Variants in PRICKLE2 observed in about 807,000 individuals in gnomAD.
PRICKLE2 encodes the protein prickle-like protein 2.
In PRICKLE2, 21 loss-of-function variants were observed where a neutral mutation model predicts 81.4. The ratio of observed to expected loss-of-function variants is 0.26; its 90% CI spans 0.18 to 0.37. PRICKLE2 has a LOEUF of 0.37. PRICKLE2 is among the 10% of genes least tolerant of loss of function. The pLI is 1.00. For missense variants in PRICKLE2, 940 were observed against 1,109.0 expected (o/e 0.85, Z 2.16); for synonymous variants, 456 against 421.5 (o/e 1.08, Z -1.00).
intron 7 of PRICKLE2, among the ~76,000 whole-genome samples, chr3:64,106,622 C>T (rs36238): frequency 0.84 from 127,447 of 152,236 alleles, 57,638 homozygotes; most frequent in Non-Finnish European, 1. Context: ...CAACTCTTCA[C>T]TCCATTTGTC....
chr3:64,137,573 C>T (rs974537964), intron 7 of PRICKLE2, among the ~76,000 whole-genome samples: 1 of 152,106 alleles, frequency 6.6e-6, no homozygotes, highest in African/African-American at 2.4e-5. Context: ...AAAGGTTCTC[C>T]GGGCCCAGAA....
At chr3:64,258,845 A>AAAAAAAAG (rs2079570108) in intron 2 of PRICKLE2, among the ~76,000 whole-genome samples, 7 of 33,996 alleles carry the variant, frequency 2.1e-4, no homozygotes, top group East Asian at 6.5e-4. Context: ...AAAAAAAAAA[A>AAAAAAAAG]AAAGAAAGAA....
chr3:64,244,692 A>C (rs1380915927), intron 2 of PRICKLE2, among the ~76,000 whole-genome samples: 1 of 151,780 alleles, frequency 6.6e-6, no homozygotes, highest in Non-Finnish European at 1.5e-5. Flanking sequence ...AAAAATGGGA[A>C]TGGATATATT....
chr3:64,134,483 T>A (rs2077246852), intron 7 of PRICKLE2, among the ~76,000 whole-genome samples: 1 of 152,182 alleles, frequency 6.6e-6, no homozygotes, highest in Admixed American at 6.5e-5. Flanking sequence ...GCTGGATAAT[T>A]CTTTGTTGAC....
chr3:64,110,963 A>C (rs1420142878), intron 7 of PRICKLE2, among the ~76,000 whole-genome samples: 3 of 116,470 alleles, frequency 2.6e-5, no homozygotes, highest in East Asian at 4.1e-4. Context: ...CCATCTCAAA[A>C]AAAAAAAAAA....
intron 2 of PRICKLE2, among the ~76,000 whole-genome samples, chr3:64,177,270 G>A (rs2078042580): frequency 6.6e-6 from 1 of 150,454 alleles, no homozygotes; most frequent in Admixed American, 6.7e-5. Context: ...CGAGTAGCTG[G>A]GATTACAGGC....
At chr3:64,198,310 T>C (rs1190067719) in intron 2 of PRICKLE2, among the ~76,000 whole-genome samples, 3 of 152,032 alleles carry the variant, frequency 2.0e-5, no homozygotes, top group African/African-American at 7.2e-5. Context: ...TTGTTGGACA[T>C]AGAGAAGATG....
intron 2 of PRICKLE2, among the ~76,000 whole-genome samples, chr3:64,230,826 A>T (rs1326878790): frequency 6.6e-6 from 1 of 152,228 alleles, no homozygotes; most frequent in Non-Finnish European, 1.5e-5. Flanking sequence ...AGTACTGTGT[A>T]GAGTACCTAG....
chr3:64,202,270 C>G (rs977903494), intron 1 of PRICKLE2, among the ~76,000 whole-genome samples: 1 of 151,972 alleles, frequency 6.6e-6, no homozygotes, highest in Non-Finnish European at 1.5e-5. Flanking sequence ...ATTAGTTTGT[C>G]AATTTGTGCA....
chr3:64,207,253 A>G, intron 1 of PRICKLE2, among the ~76,000 whole-genome samples: 1 of 152,280 alleles, frequency 6.6e-6, no homozygotes, highest in East Asian at 1.9e-4. Context: ...TCCTTATTAT[A>G]CTTATTATAA....
chr3:64,265,898 C>T (rs938994214), intron 2 of PRICKLE2, among the ~76,000 whole-genome samples: 8 of 151,976 alleles, frequency 5.3e-5, no homozygotes, highest in Non-Finnish European at 8.8e-5. Context: ...GAAGTGGGCT[C>T]GATAAAACTG....
At chr3:64,197,545 C>T (rs1339517170) in intron 2 of PRICKLE2, among the ~76,000 whole-genome samples, 1 of 152,070 alleles carries the variant, frequency 6.6e-6, no homozygotes, top group Non-Finnish European at 1.5e-5. Context: ...AAGATCATAT[C>T]CTTTGGAGGA....
chr3:64,142,784 T>C (rs2077384027), intron 7 of PRICKLE2, among the ~76,000 whole-genome samples: 1 of 152,234 alleles, frequency 6.6e-6, no homozygotes, highest in Admixed American at 6.5e-5. Flanking sequence ...TGTCAAAGAC[T>C]ATATTAATGA....
At chr3:64,133,296 G>A (rs2077224712) in intron 7 of PRICKLE2, among the ~76,000 whole-genome samples, 1 of 152,140 alleles carries the variant, frequency 6.6e-6, no homozygotes, top group African/African-American at 2.4e-5. Flanking sequence ...GGGATGCTGA[G>A]CCTTGGGTTG....
chr3:64,238,360 T>G (rs1289645899), intron 2 of PRICKLE2, among the ~76,000 whole-genome samples: 1 of 151,722 alleles, frequency 6.6e-6, no homozygotes, highest in Non-Finnish European at 1.5e-5. Flanking sequence ...TGATGGTGCC[T>G]GCCTGTAGTC....
At chr3:64,191,048 G>T (rs1201456223) in intron 2 of PRICKLE2, among the ~76,000 whole-genome samples, 1 of 152,150 alleles carries the variant, frequency 6.6e-6, no homozygotes, top group African/African-American at 2.4e-5. Context: ...CAGAGCCAGA[G>T]AACTCCACTG....
At chr3:64,134,569 G>T (rs572859588) in intron 7 of PRICKLE2, among the ~76,000 whole-genome samples, 6 of 147,690 alleles carry the variant, frequency 4.1e-5, no homozygotes, top group Non-Finnish European at 7.5e-5. Flanking sequence ...CCTACCAGAC[G>T]CCTGTAGTGT....
chr3:64,114,464 C>A (rs374214400), intron 7 of PRICKLE2, among the ~76,000 whole-genome samples: 2 of 151,822 alleles, frequency 1.3e-5, no homozygotes, highest in South Asian at 4.2e-4. Context: ...TGCAAGGAAG[C>A]TAAAAATGAT....
Position 64,095,701 on chromosome 3 carries a change from C to T in PRICKLE2, c.*3350G>A, listed in dbSNP as rs1000554087. 1.3e-5 allele frequency: 2 copies of T among 152,182 alleles called. No homozygotes were observed. The highest frequency in any genetic ancestry group is 1.3e-4 in the Admixed American group (2 of 15,282). The allele number at this position is 152,182 out of a possible 1,614,324, so 9.4% of individuals were successfully genotyped here. On this transcript the variant is annotated 3_prime_UTR_variant, in exon 8 of 8. Transcript: ENST00000638394. ...TACAGGAAATGAGGATTAGAAAGCA[C>T]TACTTCCAGATCCTGTATTAGAAAC...
Sources: allele counts gnomAD v4.1 joint callset (sites outside exome capture counted in the v4.1 genomes callset), GRCh38; gene constraint gnomAD v4.1.1; transcripts MANE v1.5; gene names NCBI Gene and HGNC (gene_info 2026-07-23, HGNC 2026-07-21).